CSMD1: variants seen among roughly 807,000 people sequenced by gnomAD.
CSMD1 encodes the protein CUB and sushi domain-containing protein 1.
Under a neutral mutation model 417.5 loss-of-function variants are expected in CSMD1, and 213 were observed. That is an observed-to-expected ratio of 0.51 (90% CI 0.46 to 0.57). The LOEUF (loss-of-function observed/expected upper bound fraction) is 0.57. Among genes scored for constraint, CSMD1 ranks in the 20% least tolerant of loss-of-function variants. The pLI, the probability that CSMD1 is intolerant of heterozygous loss-of-function variation, is 0.00. For synonymous variants in CSMD1, 2,862 were observed against 1,736.8 expected, an observed-to-expected ratio of 1.65 and a Z score of -16.11; for missense variants, 6,923 against 4,529.7, an observed-to-expected ratio of 1.53 and a Z score of -15.17.
chr8:4,436,246 T>C (rs144374524), intron 2 of CSMD1, among the ~76,000 whole-genome samples: 1 of 152,336 alleles, frequency 6.6e-6, no homozygotes, highest in East Asian at 1.9e-4. Flanking sequence ...AATTAGTTCA[T>C]ACTTAAATAA....
At chr8:4,468,719 T>G (rs1290509381) in intron 2 of CSMD1, among the ~76,000 whole-genome samples, 1 of 152,172 alleles carries the variant, frequency 6.6e-6, no homozygotes, top group Non-Finnish European at 1.5e-5. Flanking sequence ...TTCAAAAACA[T>G]TGCTTAGGGA....
chr8:3,875,036 A>C (rs1805723377), intron 5 of CSMD1, among the ~76,000 whole-genome samples: 1 of 152,158 alleles, frequency 6.6e-6, no homozygotes, highest in Non-Finnish European at 1.5e-5. Context: ...AAAGGCTGGC[A>C]TGAGCTGGGG....
intron 54 of CSMD1, among the ~76,000 whole-genome samples, chr8:2,984,908 C>A (rs979237270): frequency 6.6e-6 from 1 of 152,204 alleles, no homozygotes; most frequent in African/African-American, 2.4e-5. Flanking sequence ...TACACATCAC[C>A]TGGACAAGAG....
chr8:4,455,717 G>T (rs1334063062), intron 2 of CSMD1, among the ~76,000 whole-genome samples: 2 of 151,636 alleles, frequency 1.3e-5, no homozygotes, highest in Non-Finnish European at 2.9e-5. Context: ...GATCACCTGA[G>T]GTCAGGAGTT....
At chr8:3,219,574 G>C (rs1798083493) in intron 28 of CSMD1, 132 bp from the exon 29 acceptor site, 2 of 577,148 alleles carry the variant, frequency 3.5e-6, no homozygotes, top group African/African-American at 1.9e-5. Context: ...CAATCAAAAA[G>C]TTAAATGTAG....
At chr8:4,727,929 ATATATATATACAAAATATATATATG>A (rs1335485387) in intron 1 of CSMD1, among the ~76,000 whole-genome samples, 24 of 136,324 alleles carry the variant, frequency 1.8e-4, no homozygotes, top group Admixed American at 6.6e-4. Context: ...TACATCTAAT[ATATATATATACAAAATATATATATG>A]TATATATATA....
intron 3 of CSMD1, among the ~76,000 whole-genome samples, chr8:4,146,079 A>T (rs899670881): frequency 5.3e-5 from 8 of 150,950 alleles, no homozygotes; most frequent in Non-Finnish European, 1.2e-4. Context: ...AGGCAATTGC[A>T]TGTATCTGCC....
chr8:3,457,176 A>C (rs1816205227), intron 12 of CSMD1, among the ~76,000 whole-genome samples: 1 of 120,378 alleles, frequency 8.3e-6, no homozygotes, highest in African/African-American at 2.9e-5. Flanking sequence ...CTCTTCCTGG[A>C]CTCCTCATCG....
intron 3 of CSMD1, among the ~76,000 whole-genome samples, chr8:4,089,943 G>C (rs559069946): frequency 6.6e-6 from 1 of 152,140 alleles, no homozygotes; most frequent in East Asian, 1.9e-4. Context: ...ATGTATTATT[G>C]TTGAATACGT....
At chr8:4,361,799 C>G (rs1199441812) in intron 3 of CSMD1, among the ~76,000 whole-genome samples, 1 of 151,892 alleles carries the variant, frequency 6.6e-6, no homozygotes, top group Non-Finnish European at 1.5e-5. Flanking sequence ...ACTAAAAATA[C>G]AAAAAACTAG....
rs570376343 is a variant in CSMD1, at chr8:3,288,588, G to C, written c.3951-4242C>G. 1.5e-3 allele frequency among the ~76,000 whole-genome samples: 219 copies of C among 147,506 alleles called. 5 individuals carry two copies. The highest frequency in any genetic ancestry group is 8.4e-3 in the East Asian group (43 of 5,110). ...CTAGATTTTCTAGTTTATTTGCATA[G>C]AGGTGTTTATAGTATTCTCTGATGG... On this transcript the variant is annotated intron_variant, in intron 25 of 69. Transcript: ENST00000635120.
chr8:4,321,352 G>T (rs574549586), intron 3 of CSMD1, among the ~76,000 whole-genome samples: 1 of 151,922 alleles, frequency 6.6e-6, no homozygotes, highest in South Asian at 2.1e-4. Context: ...CTCCTCTCCC[G>T]CGCTGGCAGT....
At chr8:4,096,208 T>G (rs963512814) in intron 3 of CSMD1, among the ~76,000 whole-genome samples, 1 of 152,104 alleles carries the variant, frequency 6.6e-6, no homozygotes, top group Admixed American at 6.6e-5. Context: ...GAGATGAAAC[T>G]CTTAATAATT....
chr8:4,113,952 C>T lies in CSMD1; in HGVS notation c.416-81853G>A, dbSNP rs188201555. ...CATAAGATTTAAGAAAAGAAGCCATCTCCATAATATAAAAGTTCCAGGTGA... is the reference window on the plus strand; with the variant it reads ...CATAAGATTTAAGAAAAGAAGCCATTTCCATAATATAAAAGTTCCAGGTGA... On this transcript the variant is annotated intron_variant, in intron 3 of 69. Transcript: ENST00000635120. 7.9e-5 allele frequency among the ~76,000 whole-genome samples: 12 copies of T among 152,334 alleles called. No homozygotes were observed. The South Asian group carries it at 1.9e-3, about 24-fold the overall frequency.
chr8:4,636,280 G>A (rs560743563), intron 2 of CSMD1, among the ~76,000 whole-genome samples: 2 of 151,978 alleles, frequency 1.3e-5, no homozygotes, highest in African/African-American at 2.4e-5. Flanking sequence ...AGATACAGAC[G>A]TACAGGTATA....
At chr8:4,554,676 T>C (rs1798012751) in intron 2 of CSMD1, among the ~76,000 whole-genome samples, 1 of 152,178 alleles carries the variant, frequency 6.6e-6, no homozygotes, top group Non-Finnish European at 1.5e-5. Flanking sequence ...TTAAACAATG[T>C]GATAAGAATC....
Position 4,014,891 on chromosome 8 carries a change from T to G in CSMD1, c.611-16781A>C, listed in dbSNP as rs1796446887. Among the ~76,000 whole-genome samples the G allele has an allele frequency of 2.0e-5, 3 of 152,162 alleles. No homozygotes were observed. The South Asian group carries it at 6.2e-4, about 32-fold the overall frequency. On this transcript the variant is annotated intron_variant, in intron 4 of 69. Transcript: ENST00000635120. ...AAGTAACCCACAAAGCTGAAAATAA[T>G]GGGCAGAGCCACTTCTGATTATTTT...
rs1055438719 is a variant in CSMD1, at chr8:4,595,397, A to G, written c.302+41945T>C. ...TGATGCATTCATTTTCATTCCATCCATCCAAATAATGCTATACATTGTCAA... is the reference window on the plus strand; with the variant it reads ...TGATGCATTCATTTTCATTCCATCCGTCCAAATAATGCTATACATTGTCAA... On this transcript the variant is annotated intron_variant, in intron 2 of 69. Transcript: ENST00000635120. Among the ~76,000 whole-genome samples, 70 of 53,168 alleles carry G rather than the reference A, an allele frequency of 1.3e-3. 1 individual carries two copies. The highest frequency in any genetic ancestry group is 2.8e-3 in the African/African-American group (69 of 24,420). The allele number at this position is 53,168 out of a possible 152,430, so 34.9% of individuals were successfully genotyped here. A position where few individuals can be genotyped will look rare whatever the true frequency, so the allele number is the denominator to read the frequency against.
intron 3 of CSMD1, among the ~76,000 whole-genome samples, chr8:4,122,223 T>C (rs1267402175): frequency 2.5e-4 from 38 of 152,146 alleles, no homozygotes; most frequent in Admixed American, 2.5e-3. Flanking sequence ...TTTGCTGACT[T>C]TTGTGAGGGA....
Sources: gnomAD v4.1 joint callset for allele counts (sites outside exome capture counted in the v4.1 genomes callset) on GRCh38, gnomAD v4.1.1 for gene constraint, MANE v1.5 for transcripts, NCBI Gene and HGNC (gene_info 2026-07-23, HGNC 2026-07-21) for gene names.